The following SGPP1 variants were observed in gnomAD, a reference collection of about 807,000 sequenced individuals.
SGPP1 encodes hSPP1.
SGPP1 carries 21 observed loss-of-function variants against 33.0 expected under a neutral mutation model. The observed-to-expected ratio is 0.64, with a 90% CI of 0.45 to 0.92. The LOEUF (loss-of-function observed/expected upper bound fraction) is 0.92. SGPP1 is among the 40% of genes least tolerant of loss of function. The probability of loss-of-function intolerance (pLI) is 0.00; values close to 1 mark genes in which losing one functional copy is unlikely to be tolerated. For missense variants in SGPP1, 543 were observed against 589.4 expected (o/e 0.92, Z 0.81); for synonymous variants, 239 against 241.2 (o/e 0.99, Z 0.08).
At chr14:63,717,353 C>G (rs979156580) in intron 1 of SGPP1, among the ~76,000 whole-genome samples, 1 of 147,828 alleles carries the variant, frequency 6.8e-6, no homozygotes, top group Non-Finnish European at 1.5e-5. Context: ...CTCACTCTGT[C>G]GCTCACGCTG....
At chr14:63,713,499 C>G (rs1885563484) in intron 1 of SGPP1, among the ~76,000 whole-genome samples, 1 of 152,190 alleles carries the variant, frequency 6.6e-6, no homozygotes, top group East Asian at 1.9e-4. Context: ...TATGTCAGAA[C>G]TGGTGTCAGT....
chr14:63,698,411 C>T (rs1455256582), intron 2 of SGPP1, among the ~76,000 whole-genome samples, 158 bp downstream of exon 2: 2 of 152,070 alleles, frequency 1.3e-5, no homozygotes, highest in South Asian at 2.1e-4. Context: ...ATTAATATTT[C>T]ATAAACCATC....
At chr14:63,720,622 T>A (rs1022226081) in intron 1 of SGPP1, among the ~76,000 whole-genome samples, 1 of 151,762 alleles carries the variant, frequency 6.6e-6, no homozygotes, top group Non-Finnish European at 1.5e-5. Flanking sequence ...TAGCCGGGCG[T>A]GATGGTGGAC....
At chr14:63,714,588 T>C (rs1184178550) in intron 1 of SGPP1, among the ~76,000 whole-genome samples, 1 of 151,894 alleles carries the variant, frequency 6.6e-6, no homozygotes, top group African/African-American at 2.4e-5. Context: ...ACCTGGCTAA[T>C]GTTTAAATTT....
At position 63,727,834 on chromosome 14, in the gene SGPP1, T is replaced by A. The variant is rs1023743518; in HGVS notation, c.111A>T (p.Ala37=). The A allele has an allele frequency of 1.3e-6, 2 of 1,511,386 alleles. No individual in the cohort carries two copies. Among genetic ancestry groups the A allele is most frequent in the East Asian group, 2.7e-5 (1 of 37,352 alleles). The allele number at this position is 1,511,386 out of a possible 1,614,324, so 93.6% of individuals were successfully genotyped here. ...CCGCTTTCTCATCCTCCCTCCGGTC[T>A]GCTGAGCGGCGCGGCGGCGCTTCCA... ...CGVEAPPRRS[A]DRREDEKAEA... The change falls in exon 1 of 3, where the codon GCA becomes GCT. Residue 37 remains alanine (A), a synonymous_variant. Coordinates refer to ENST00000247225, the MANE Select transcript of SGPP1 (RefSeq NM_030791.4).
At chr14:63,719,991 T>C (rs886083650) in intron 1 of SGPP1, among the ~76,000 whole-genome samples, 2 of 147,538 alleles carry the variant, frequency 1.4e-5, no homozygotes, top group East Asian at 4.0e-4. Context: ...CTGGACATGG[T>C]GGTAGGTGCC....
Position 63,686,102 on chromosome 14 carries a change from C to A in SGPP1, c.*3G>T. ...CTTTCTTATCATAAACAATACTTCT[C>A]CATCAAGAGATACCAATAAAGAAAA... On this transcript the variant is annotated 3_prime_UTR_variant, in exon 3 of 3. Transcript: ENST00000247225. 6.5e-7 allele frequency: 1 copy of A among 1,550,172 alleles called. No homozygotes were observed. The highest frequency in any genetic ancestry group is 1.2e-5 in the South Asian group (1 of 83,320).
chr14:63,727,197 G>C (rs1040136638), intron 1 of SGPP1, 64 bp downstream of exon 1: 22 of 1,510,580 alleles, frequency 1.5e-5, no homozygotes, highest in Admixed American at 6.6e-5. Context: ...TAAATGCAGA[G>C]AGCAAAGAGA....
At chr14:63,690,157 A>G (rs906948712) in intron 2 of SGPP1, among the ~76,000 whole-genome samples, 8 of 152,108 alleles carry the variant, frequency 5.3e-5, no homozygotes, top group African/African-American at 1.9e-4. Context: ...TCCCCACTTC[A>G]GCCTCCTGAG....
At chr14:63,719,980 G>C (rs1885735128) in intron 1 of SGPP1, among the ~76,000 whole-genome samples, 2 of 150,698 alleles carry the variant, frequency 1.3e-5, no homozygotes, top group Admixed American at 1.3e-4. Flanking sequence ...AAAAAAATTA[G>C]CTGGACATGG....
In SGPP1 at chr14:63,727,471, C is replaced by G. The variant is rs1243874863; in HGVS notation, c.474G>C (p.Leu158=). 2 of 1,614,178 alleles carry G rather than the reference C, an allele frequency of 1.2e-6. No individual in the cohort carries two copies. Among genetic ancestry groups the G allele is most frequent in the Non-Finnish European group, 1.7e-6 (2 of 1,180,026 alleles). ...FPFWIWNLDP[L]VGRRLVVIWV... ...AGATGACCACGAGCCTCCGGCCCAC[C>G]AGAGGGTCCAGGTTCCAGATCCAGA... is the stretch of plus-strand genomic sequence containing the variant. The change falls in exon 1 of 3, where the codon CTG becomes CTC. Residue 158 remains leucine, a synonymous_variant. Transcript: ENST00000247225.
At chr14:63,689,380 G>A (rs1381002208) in intron 2 of SGPP1, among the ~76,000 whole-genome samples, 1 of 152,064 alleles carries the variant, frequency 6.6e-6, no homozygotes, top group Non-Finnish European at 1.5e-5. Context: ...TTGAACTCCT[G>A]GGCTCAAGTG....
intron 2 of SGPP1, among the ~76,000 whole-genome samples, chr14:63,694,261 G>C (rs183199444): frequency 1.3e-5 from 2 of 150,396 alleles, no homozygotes; most frequent in Admixed American, 1.3e-4. Flanking sequence ...GTAACAGAAG[G>C]AGACCCTGTC....
At chr14:63,725,305 C>T (rs937322439) in intron 1 of SGPP1, among the ~76,000 whole-genome samples, 2 of 151,298 alleles carry the variant, frequency 1.3e-5, no homozygotes, top group African/African-American at 4.9e-5. Flanking sequence ...ACCTGGGAGG[C>T]AGAGGTTGCA....
chr14:63,698,904 C>T (rs1043386939), intron 1 of SGPP1, among the ~76,000 whole-genome samples: 2 of 152,280 alleles, frequency 1.3e-5, no homozygotes, highest in Middle Eastern at 3.4e-3. Context: ...TGGGAACTGG[C>T]TCACTTCTGC....
At chr14:63,717,506 T>C (rs1372645882) in intron 1 of SGPP1, among the ~76,000 whole-genome samples, 3 of 152,140 alleles carry the variant, frequency 2.0e-5, no homozygotes, top group Admixed American at 1.3e-4. Flanking sequence ...GCATTTTTAG[T>C]AGAGCTGGGG....
intron 1 of SGPP1, among the ~76,000 whole-genome samples, chr14:63,726,683 A>G (rs569334772): frequency 6.6e-6 from 1 of 152,232 alleles, no homozygotes; most frequent in East Asian, 1.9e-4. Context: ...TAGCAACCAC[A>G]CCCCTTAAAA....
chr14:63,706,725 C>T (rs1456677309), intron 1 of SGPP1, among the ~76,000 whole-genome samples: 1 of 152,198 alleles, frequency 6.6e-6, no homozygotes, highest in African/African-American at 2.4e-5. Context: ...CTAAGAGCAA[C>T]TGTGAAATCC....
At chr14:63,693,357 A>G (rs1023488668) in intron 2 of SGPP1, among the ~76,000 whole-genome samples, 2 of 152,208 alleles carry the variant, frequency 1.3e-5, no homozygotes, top group Admixed American at 6.5e-5. Flanking sequence ...CTTGGTAAAT[A>G]CCCATAGGAT....
Sources: allele counts gnomAD v4.1 joint callset (sites outside exome capture counted in the v4.1 genomes callset), GRCh38; gene constraint gnomAD v4.1.1; transcripts MANE v1.5; gene names NCBI Gene and HGNC (gene_info 2026-07-23, HGNC 2026-07-21).